CALD1: variants seen among roughly 807,000 people sequenced by gnomAD.
CALD1 encodes caldesmon 1.
Under a neutral mutation model 99.9 loss-of-function variants are expected in CALD1, and 33 were observed. The ratio of observed to expected loss-of-function variants is 0.33; its 90% CI spans 0.25 to 0.44. The LOEUF (loss-of-function observed/expected upper bound fraction) is 0.44, where lower values mean the gene tolerates loss of function less well. CALD1 is among the 20% of genes least tolerant of loss of function. The pLI, the probability that CALD1 is intolerant of heterozygous loss-of-function variation, is 1.00. For missense variants in CALD1, 861 were observed against 962.1 expected, an observed-to-expected ratio of 0.89 and a Z score of 1.39; for synonymous variants, 310 against 325.0, an observed-to-expected ratio of 0.95 and a Z score of 0.50.
chr7:134,834,379 A>T (rs145046212), intron 1 of CALD1, among the ~76,000 whole-genome samples: 159 of 152,298 alleles, frequency 1.0e-3, no homozygotes, highest in African/African-American at 3.6e-3. Flanking sequence ...ATATCCAAAA[A>T]CAGATGTAGT....
intron 3 of CALD1, among the ~76,000 whole-genome samples, chr7:134,918,507 T>C (rs936371014): frequency 6.6e-6 from 1 of 152,232 alleles, no homozygotes; most frequent in African/African-American, 2.4e-5. Flanking sequence ...TAGGGATGCA[T>C]ACCATGCTGG....
the CALD1 span, among the ~76,000 whole-genome samples, chr7:134,723,519 C>A: frequency 9.3e-5 from 13 of 140,448 alleles, no homozygotes; most frequent in South Asian, 2.3e-4. Context: ...CTGTCAAGTA[C>A]AGTAGAAAAG....
Position 134,872,980 on chromosome 7 carries a change from C to T in CALD1, c.71+5176C>T, listed in dbSNP as rs530462824. On this transcript the variant is annotated intron_variant, in intron 3 of 14. Transcript: ENST00000361675. Reference sequence around the variant, plus strand: ...GGCAGATCACTTGAGGCCAGGAGTTCGAAACCAGCCTGGCCAACATGGTGA... The same window carrying T: ...GGCAGATCACTTGAGGCCAGGAGTTTGAAACCAGCCTGGCCAACATGGTGA... Among the ~76,000 whole-genome samples the T allele has an allele frequency of 1.7e-3, 259 of 152,040 alleles. 1 individual carries two copies. Among genetic ancestry groups the T allele is most frequent in the Non-Finnish European group, 2.7e-3 (184 of 67,966 alleles).
intron 1 of CALD1, among the ~76,000 whole-genome samples, chr7:134,767,550 A>G (rs539185158): frequency 2.0e-5 from 3 of 152,130 alleles, no homozygotes; most frequent in Non-Finnish European, 2.9e-5. Context: ...TGGCTTTTTT[A>G]TTTTTATTTT....
chr7:134,932,286 G>A (rs771405082), intron 4 of CALD1, among the ~76,000 whole-genome samples: 6 of 152,282 alleles, frequency 3.9e-5, no homozygotes, highest in South Asian at 2.1e-4. Context: ...GGTCACTGGC[G>A]TGAGTGTGGA....
In CALD1 at chr7:134,833,848, C is replaced by T. The variant is rs548945025; in HGVS notation, c.-129-10036C>T. Among the ~76,000 whole-genome samples, 16 of 152,272 alleles carry T rather than the reference C, an allele frequency of 1.1e-4. No individual in the cohort carries two copies. The South Asian group carries it at 3.1e-3, about 30-fold the overall frequency. On this transcript the variant is annotated intron_variant, in intron 1 of 14. Coordinates refer to ENST00000361675, the MANE Select transcript of CALD1 (RefSeq NM_033138.4). ...TAATAACTGGAAATAGAATCCCAAG[C>T]GGGGCCTAACTTTTTGTCTCATGAG...
At chr7:134,879,907 A>C (rs1294633390) in intron 3 of CALD1, among the ~76,000 whole-genome samples, 1 of 152,182 alleles carries the variant, frequency 6.6e-6, no homozygotes, top group Admixed American at 6.5e-5. Context: ...TGTTGGGATA[A>C]AAATCTCAGT....
At position 134,933,932 on chromosome 7, in the gene CALD1, G is replaced by GT; in HGVS notation, c.1164dup (p.Asn389Ter). On this transcript the variant is annotated frameshift_variant, in exon 5 of 15. Coordinates refer to ENST00000361675, the MANE Select transcript of CALD1 (RefSeq NM_033138.4). LOFTEE classifies it high-confidence loss of function. ...AAGGCTAAGGTAGAAGAGCAGAAACGTAACAAGCAGCTAGAAGAGAAAAAA... is the reference window on the plus strand; with the variant it reads ...AAGGCTAAGGTAGAAGAGCAGAAACGTTAACAAGCAGCTAGAAGAGAAAAAA... 6.2e-7 allele frequency: 1 copy of GT among 1,614,004 alleles called. No homozygotes were observed. Among genetic ancestry groups the GT allele is most frequent in the Non-Finnish European group, 8.5e-7 (1 of 1,179,954 alleles).
chr7:134,835,014 T>A (rs1376536961), intron 1 of CALD1, among the ~76,000 whole-genome samples: 1 of 152,198 alleles, frequency 6.6e-6, no homozygotes, highest in Non-Finnish European at 1.5e-5. Context: ...GAGTGTGATA[T>A]TTTACCAGTT....
rs1240204334 is a variant in CALD1, at chr7:134,884,540, C to T, written c.71+16736C>T. On this transcript the variant is annotated intron_variant, in intron 3 of 14. Transcript: ENST00000361675. ...TTGGCACTAGAGAAGGCATCAGTCT[C>T]TTGTGCATCTGTGAGTTCATCAATC... Among the ~76,000 whole-genome samples the T allele has an allele frequency of 2.0e-5, 3 of 151,194 alleles. No homozygotes were observed. The Admixed American group carries it at 2.0e-4, about 10-fold the overall frequency.
intron 13 of CALD1, among the ~76,000 whole-genome samples, chr7:134,963,416 G>A (rs892796473): frequency 6.6e-6 from 1 of 152,154 alleles, no homozygotes; most frequent in African/African-American, 2.4e-5. Context: ...ATTTAACTGT[G>A]CATTTTCAGT....
Position 134,935,739 on chromosome 7 carries a change from G to C in CALD1, c.1360G>C (p.Asp454His). The C allele has an allele frequency of 1.3e-6, 2 of 1,599,882 alleles. No homozygotes were observed. The highest frequency in any genetic ancestry group is 1.7e-6 in the Non-Finnish European group (2 of 1,174,842). The change falls in exon 6 of 15, where the codon GAC (aspartate) becomes CAC (histidine). Residue 454 changes from aspartate to histidine, a missense_variant. Asp to His is a moderately conservative substitution (Grantham distance 81). Transcript: ENST00000361675. Reference protein sequence around the residue: ...VQAKREKLQEDKPTFKKEEIK... With the variant: ...VQAKREKLQEHKPTFKKEEIK... ...AGCTAAAAGAGAAAAGCTCCAAGAA[G>C]ACAAGCCTACCTTCAAAAAAGAAGA...
chr7:134,908,815 C>CTA (rs758958399), intron 3 of CALD1, among the ~76,000 whole-genome samples: 2,270 of 149,118 alleles, frequency 0.015, 26 homozygotes, highest in African/African-American at 0.042. Flanking sequence ...CAAGAAAATA[C>CTA]TATATATATA....
chr7:134,930,637 T>G (rs1370666944), intron 4 of CALD1, among the ~76,000 whole-genome samples: 1 of 152,164 alleles, frequency 6.6e-6, no homozygotes, highest in African/African-American at 2.4e-5. Context: ...AAAGGGGAAA[T>G]AGGTATAATT....
At chr7:134,793,917 T>C (rs3778844) in intron 1 of CALD1, among the ~76,000 whole-genome samples, 38,624 of 151,890 alleles carry the variant, frequency 0.25, 6,407 homozygotes, top group East Asian at 0.64. Flanking sequence ...TTTTATCTCC[T>C]CCTCATTCCT....
At chr7:134,834,245 G>T (rs1278247355) in intron 1 of CALD1, among the ~76,000 whole-genome samples, 1 of 152,174 alleles carries the variant, frequency 6.6e-6, no homozygotes, top group Non-Finnish European at 1.5e-5. Context: ...CACTTTCTCT[G>T]CTGTGTGATT....
intron 11 of CALD1, among the ~76,000 whole-genome samples, chr7:134,959,686 G>A (rs1300941432): frequency 1.3e-5 from 2 of 152,038 alleles, no homozygotes. Flanking sequence ...AAACAAAAAA[G>A]TATCTGTTGA....
intron 3 of CALD1, among the ~76,000 whole-genome samples, chr7:134,888,018 C>G (rs1801961670): frequency 6.6e-6 from 1 of 152,210 alleles, no homozygotes; most frequent in African/African-American, 2.4e-5. Flanking sequence ...AAGTCTGGAA[C>G]AGATCTTGTG....
chr7:134,799,416 G>A (rs1366115890), intron 1 of CALD1, among the ~76,000 whole-genome samples: 1 of 152,222 alleles, frequency 6.6e-6, no homozygotes, highest in Admixed American at 6.5e-5. Context: ...AAGAAAGTAA[G>A]AGCTCACGGC....
Sources: gnomAD v4.1 joint callset for allele counts (sites outside exome capture counted in the v4.1 genomes callset) on GRCh38, gnomAD v4.1.1 for gene constraint, MANE v1.5 for transcripts, NCBI Gene and HGNC (gene_info 2026-07-23, HGNC 2026-07-21) for gene names.